Variants in SDK1 observed in about 807,000 individuals in gnomAD.
The protein encoded by SDK1 is protein sidekick-1.
In SDK1, 157 loss-of-function variants were observed where a neutral mutation model predicts 245.5. That is an observed-to-expected ratio of 0.64 (90% CI 0.56 to 0.73). The LOEUF (loss-of-function observed/expected upper bound fraction) is 0.73, where lower values mean the gene tolerates loss of function less well. Among genes scored for constraint, SDK1 ranks in the 30% least tolerant of loss-of-function variants. SDK1 has a pLI of 0.00. For synonymous variants in SDK1, 1,647 were observed against 1,278.5 expected (o/e 1.29, Z -6.15); for missense variants, 3,583 against 3,002.3 (o/e 1.19, Z -4.52).
intron 4 of SDK1, among the ~76,000 whole-genome samples, chr7:3,710,826 C>G (rs988971760): frequency 1.3e-5 from 2 of 152,198 alleles, no homozygotes; most frequent in African/African-American, 4.8e-5. Context: ...TTGATTGTTC[C>G]TATCTTCAGA....
At chr7:3,502,183 C>T (rs1267002921) in intron 1 of SDK1, among the ~76,000 whole-genome samples, 1 of 151,836 alleles carries the variant, frequency 6.6e-6, no homozygotes, top group African/African-American at 2.4e-5. Flanking sequence ...AGAATTTTGA[C>T]ATTAGTAAAA....
rs540537807 is a variant in SDK1 at position 3,730,800 on chromosome 7, C to A, written c.713+88695C>A. 3.3e-5 allele frequency among the ~76,000 whole-genome samples: 5 copies of A among 152,220 alleles called. No individual in the cohort carries two copies. In the South Asian group the frequency reaches 1.0e-3, roughly 32 times the overall value. On this transcript the variant is annotated intron_variant, in intron 4 of 44. Transcript: ENST00000404826. ...AAGAGGGTGGCATGGAGGGAGAGGACATATAACCCTCTCTTTGGCAGCTGT... is the reference window on the plus strand; with the variant it reads ...AAGAGGGTGGCATGGAGGGAGAGGAAATATAACCCTCTCTTTGGCAGCTGT...
At chr7:3,943,287 C>G (rs1780437708) in intron 5 of SDK1, among the ~76,000 whole-genome samples, 1 of 90,432 alleles carries the variant, frequency 1.1e-5, no homozygotes, top group South Asian at 3.9e-4. Flanking sequence ...AGGATGTTCC[C>G]TCTGAGCTGT....
intron 5 of SDK1, among the ~76,000 whole-genome samples, chr7:3,949,042 G>C (rs999955675): frequency 6.6e-6 from 1 of 152,144 alleles, no homozygotes; most frequent in Non-Finnish European, 1.5e-5. Context: ...TTGCCCCATC[G>C]TGAGTGCATC....
At chr7:3,457,432 T>G (rs895213896) in intron 1 of SDK1, among the ~76,000 whole-genome samples, 1 of 152,274 alleles carries the variant, frequency 6.6e-6, no homozygotes, top group Middle Eastern at 3.4e-3. Flanking sequence ...TGTCTTCTTA[T>G]CTCCCTTTAC....
chr7:4,051,598 A>G (rs376536198), intron 18 of SDK1, 40 bp from the exon 19 acceptor site: 6 of 1,572,866 alleles, frequency 3.8e-6, no homozygotes, highest in Non-Finnish European at 4.3e-6. Context: ...GAGAAATGCC[A>G]TTGAAAACAG....
At chr7:4,211,990 T>C (rs1358971805) in intron 38 of SDK1, among the ~76,000 whole-genome samples, 2 of 152,198 alleles carry the variant, frequency 1.3e-5, no homozygotes, top group Non-Finnish European at 2.9e-5. Flanking sequence ...AAGATTCCGG[T>C]CTGGGAGGCA....
rs79432069 is a variant in SDK1, at chr7:4,055,643, G to T, written c.2911+3813G>T. On this transcript the variant is annotated intron_variant, in intron 19 of 44. Transcript: ENST00000404826. Reference sequence around the variant, plus strand: ...TTCATTTTCAACTTTATTGATTTCTGCTCTTTATAATTTCCTTCCTCTGCT... The same window carrying T: ...TTCATTTTCAACTTTATTGATTTCTTCTCTTTATAATTTCCTTCCTCTGCT... Among the ~76,000 whole-genome samples, 1,026 of 151,584 alleles carry T rather than the reference G, an allele frequency of 6.8e-3. 8 individuals are homozygous for T. The highest frequency in any genetic ancestry group is 0.023 in the African/African-American group (960 of 41,320).
chr7:3,420,735 A>G (rs1779512574), intron 1 of SDK1, among the ~76,000 whole-genome samples: 1 of 152,260 alleles, frequency 6.6e-6, no homozygotes, highest in Non-Finnish European at 1.5e-5. Flanking sequence ...AATTTGCGAC[A>G]GCTCAAGAAC....
intron 1 of SDK1, among the ~76,000 whole-genome samples, chr7:3,446,695 C>T (rs538709169): frequency 1.6e-4 from 24 of 152,208 alleles, no homozygotes; most frequent in African/African-American, 5.5e-4. Flanking sequence ...TCAAACAAGA[C>T]AAAATTATTA....
rs116561665 is a variant in SDK1 at position 4,122,674 on chromosome 7, T to G, written c.3824-4707T>G. On this transcript the variant is annotated intron_variant, in intron 25 of 44. Coordinates refer to ENST00000404826, the MANE Select transcript of SDK1 (RefSeq NM_152744.4). ...GACCACATGAGGAGGAACAGTGAGCTGCATAGTGTGAAATCCTACAGAGGG... is the reference window on the plus strand; with the variant it reads ...GACCACATGAGGAGGAACAGTGAGCGGCATAGTGTGAAATCCTACAGAGGG... Among the ~76,000 whole-genome samples, 951 of 151,970 alleles carry G rather than the reference T, an allele frequency of 6.3e-3. 14 individuals carry two copies. The highest frequency in any genetic ancestry group is 0.022 in the African/African-American group (912 of 41,442).
chr7:3,542,997 G>A (rs1779100752), intron 1 of SDK1, among the ~76,000 whole-genome samples: 1 of 152,186 alleles, frequency 6.6e-6, no homozygotes, highest in Non-Finnish European at 1.5e-5. Flanking sequence ...TCTTTGGGGA[G>A]ATTACACTTT....
chr7:4,207,791 C>T (rs116292409), intron 36 of SDK1, among the ~76,000 whole-genome samples: 1,658 of 152,236 alleles, frequency 0.011, 32 homozygotes, highest in African/African-American at 0.038. Context: ...GGGCAGCTTC[C>T]CTTCCGTCCT....
At chr7:3,499,377 G>A (rs546454212) in intron 1 of SDK1, among the ~76,000 whole-genome samples, 2 of 151,830 alleles carry the variant, frequency 1.3e-5, no homozygotes, top group African/African-American at 4.8e-5. Flanking sequence ...TTTTTTAATT[G>A]TCAGATGTAT....
chr7:4,091,341 T>TTTTTTTTC (rs1781784524), intron 22 of SDK1, among the ~76,000 whole-genome samples: 1 of 140,296 alleles, frequency 7.1e-6, no homozygotes, highest in African/African-American at 2.7e-5. Context: ...TTTCTTTTTT[T>TTTTTTTTC]TTTTTTTTTT....
chr7:3,619,954 A>G (rs1781883800), intron 2 of SDK1, among the ~76,000 whole-genome samples: 1 of 152,152 alleles, frequency 6.6e-6, no homozygotes, highest in Non-Finnish European at 1.5e-5. Flanking sequence ...CCAGGGGTAT[A>G]CTTTTGAGGA....
At chr7:3,525,456 C>A (rs572127721) in intron 1 of SDK1, among the ~76,000 whole-genome samples, 12 of 152,236 alleles carry the variant, frequency 7.9e-5, no homozygotes, top group African/African-American at 2.4e-4. Context: ...AGTACATTTA[C>A]TCCCCAAGTA....
rs966691807 is a variant in SDK1 at position 3,612,006 on chromosome 7, C to A, written c.299-7074C>A. On this transcript the variant is annotated intron_variant, in intron 1 of 44. Coordinates refer to ENST00000404826, the MANE Select transcript of SDK1 (RefSeq NM_152744.4). Reference sequence around the variant, plus strand: ...GTGAAGTAACTGGGGAATGGAAAACCAAACATTGTATCTTCTCACTCCTAA... The same window carrying A: ...GTGAAGTAACTGGGGAATGGAAAACAAAACATTGTATCTTCTCACTCCTAA... Among the ~76,000 whole-genome samples, 3 of 152,068 alleles carry A rather than the reference C, an allele frequency of 2.0e-5. No homozygotes were observed. In the East Asian group the frequency reaches 5.8e-4, roughly 30 times the overall value.
intron 4 of SDK1, among the ~76,000 whole-genome samples, chr7:3,726,148 G>A (rs1237564598): frequency 6.6e-6 from 1 of 152,212 alleles, no homozygotes. Flanking sequence ...CTAGGGATAT[G>A]AGAATCCATC....
Sources: gnomAD v4.1 joint callset for allele counts (sites outside exome capture counted in the v4.1 genomes callset) on GRCh38, gnomAD v4.1.1 for gene constraint, MANE v1.5 for transcripts, NCBI Gene and HGNC (gene_info 2026-07-23, HGNC 2026-07-21) for gene names.